Variants in MBNL1 observed in about 807,000 individuals in gnomAD.
The protein encoded by MBNL1 is muscleblind-like protein 1.
In MBNL1, 8 loss-of-function variants were observed where a neutral mutation model predicts 42.2. That is an observed-to-expected ratio of 0.19 (90% CI 0.11 to 0.34). The LOEUF (loss-of-function observed/expected upper bound fraction) is 0.34, where lower values mean the gene tolerates loss of function less well. Among genes scored for constraint, MBNL1 ranks in the 10% least tolerant of loss-of-function variants. The pLI, the probability that MBNL1 is intolerant of heterozygous loss-of-function variation, is 1.00. For synonymous variants in MBNL1, 169 were observed against 173.9 expected, an observed-to-expected ratio of 0.97 and a Z score of 0.22; for missense variants, 309 against 495.3, an observed-to-expected ratio of 0.62 and a Z score of 3.57.
chr3:152,308,246 TATC>T (rs780132578), intron 2 of MBNL1, among the ~76,000 whole-genome samples: 56 of 152,190 alleles, frequency 3.7e-4, no homozygotes, highest in Non-Finnish European at 5.0e-4. Flanking sequence ...AGTGTTATCT[TATC>T]ATAAATCTTG....
intron 2 of MBNL1, among the ~76,000 whole-genome samples, chr3:152,406,655 A>C (rs919854705): frequency 5.9e-5 from 9 of 152,176 alleles, no homozygotes; most frequent in Admixed American, 5.2e-4. Flanking sequence ...CTGGGGAAAA[A>C]AAAGTCATAG....
At chr3:152,292,969 A>G (rs11925270) in intron 1 of MBNL1, among the ~76,000 whole-genome samples, 1 of 151,890 alleles carries the variant, frequency 6.6e-6, no homozygotes, top group Non-Finnish European at 1.5e-5. Flanking sequence ...GGGTCCTACT[A>G]TGTTGTTCAG....
chr3:152,437,791 T>TG (rs397802510), intron 4 of MBNL1, among the ~76,000 whole-genome samples: 4 of 151,706 alleles, frequency 2.6e-5, no homozygotes, highest in Non-Finnish European at 4.4e-5. Flanking sequence ...TTTTTTTTTT[T>TG]GACACTAAGT....
At chr3:152,339,017 A>T (rs767833860) in intron 2 of MBNL1, among the ~76,000 whole-genome samples, 2 of 152,176 alleles carry the variant, frequency 1.3e-5, no homozygotes, top group South Asian at 2.1e-4. Flanking sequence ...AATAGAAATT[A>T]TTTTTTCAAA....
intron 2 of MBNL1, among the ~76,000 whole-genome samples, chr3:152,325,087 G>GCCCCCCCCCTC (rs532842950): frequency 2.6e-4 from 4 of 15,380 alleles, no homozygotes; most frequent in African/African-American, 9.5e-4. Context: ...CCACATACCC[G>GCCCCCCCCCTC]CCCCCCCCCG....
At chr3:152,363,751 C>T (rs1040398895) in intron 2 of MBNL1, among the ~76,000 whole-genome samples, 10 of 152,052 alleles carry the variant, frequency 6.6e-5, no homozygotes, top group Admixed American at 2.6e-4. Context: ...TGCCTAAGTA[C>T]GGGTCACACA....
chr3:152,340,507 T>C, intron 2 of MBNL1: 1 of 1,565,878 alleles, frequency 6.4e-7, no homozygotes. Flanking sequence ...ATATTAAAAA[T>C]AGTGGAAGTT....
rs139976958 is a variant in MBNL1, at chr3:152,397,976, T to A, written c.175-16965T>A. On this transcript the variant is annotated intron_variant, in intron 2 of 9. Coordinates refer to ENST00000324210, the MANE Select transcript of MBNL1 (RefSeq NM_021038.5). Reference sequence around the variant, plus strand: ...ACAAATTCACTTGCTACATAGTCTTTTCAAACCACAATTTATTCATTTATA... The same window carrying A: ...ACAAATTCACTTGCTACATAGTCTTATCAAACCACAATTTATTCATTTATA... Among the ~76,000 whole-genome samples the A allele has an allele frequency of 1.1e-3, 165 of 152,332 alleles. 1 individual carries two copies. Among genetic ancestry groups the A allele is most frequent in the Non-Finnish European group, 1.9e-4 (13 of 68,042 alleles).
chr3:152,442,819 T>G (rs2099161495), intron 4 of MBNL1, among the ~76,000 whole-genome samples: 1 of 152,210 alleles, frequency 6.6e-6, no homozygotes. Context: ...TTGGTAAATT[T>G]CCAGTCCCAC....
At chr3:152,287,209 C>T (rs1383161682) in intron 1 of MBNL1, among the ~76,000 whole-genome samples, 3 of 147,024 alleles carry the variant, frequency 2.0e-5, no homozygotes, top group South Asian at 2.1e-4. Flanking sequence ...TGTGAGACTC[C>T]GTCTCAAAAA....
At position 152,299,440 on chromosome 3, in the gene MBNL1, C is replaced by T. The variant is rs2151467395; in HGVS notation, c.-754C>T. 1 of 358,644 alleles carries T rather than the reference C, an allele frequency of 2.8e-6. No individual in the cohort carries two copies. The highest frequency in any genetic ancestry group is 4.0e-5 in the East Asian group (1 of 24,776). The allele number at this position is 358,644 out of a possible 1,614,324, so 22.2% of individuals were successfully genotyped here. A position where few individuals can be genotyped will look rare whatever the true frequency, so the allele number is the denominator to read the frequency against. ...AGAAGTGCCTTTCCTGACGTCTCTG[C>T]TGCTTGGAACCGCTTCTAGAGCAGT... On this transcript the variant is annotated 5_prime_UTR_variant, in exon 2 of 10. Coordinates refer to ENST00000324210, the MANE Select transcript of MBNL1 (RefSeq NM_021038.5).
Position 152,414,989 on chromosome 3 carries a change from T to C in MBNL1, c.223T>C (p.Leu75=), listed in dbSNP as rs755140649. 6.8e-6 allele frequency: 11 copies of C among 1,608,958 alleles called. No homozygotes were observed. In the South Asian group the frequency reaches 1.0e-4, roughly 15 times the overall value. Residue 75 remains leucine (L), a synonymous_variant, in exon 3 of 10, where the codon TTA becomes CTA. Coordinates refer to ENST00000324210, the MANE Select transcript of MBNL1 (RefSeq NM_021038.5). The part of the protein sequence containing the change: ...NCKYLHPPPH[L]KTQLEINGRN... ...CAAATATCTTCATCCACCCCCACAT[T>C]TAAAAACGCAGTTGGAGATAAATGG...
intron 2 of MBNL1, among the ~76,000 whole-genome samples, chr3:152,352,446 G>A (rs1197745027): frequency 1.3e-5 from 2 of 152,136 alleles, no homozygotes; most frequent in Admixed American, 1.3e-4. Context: ...CGTCTCTAGG[G>A]CTGCCTTGAA....
chr3:152,291,375 A>G (rs2055870396), intron 1 of MBNL1, among the ~76,000 whole-genome samples: 1 of 152,190 alleles, frequency 6.6e-6, no homozygotes, highest in African/African-American at 2.4e-5. Context: ...CTTCAACTTC[A>G]TAATCAAGGA....
At chr3:152,273,680 A>G (rs1049956156) in intron 1 of MBNL1, among the ~76,000 whole-genome samples, 4 of 152,226 alleles carry the variant, frequency 2.6e-5, no homozygotes, top group African/African-American at 7.2e-5. Flanking sequence ...GACAGAGTAG[A>G]GAATTGCTTT....
chr3:152,268,579 C>T (rs1399785375), upstream of MBNL1: 1 of 352,306 alleles, frequency 2.8e-6, no homozygotes, highest in Non-Finnish European at 5.6e-6. Context: ...GCACGCCCGC[C>T]GCGAGGTTAC....
rs73009943 is a variant in MBNL1, at chr3:152,360,186, C to T, written c.175-54755C>T. On this transcript the variant is annotated intron_variant, in intron 2 of 9. Transcript: ENST00000324210. ...AACGTGTCTTGAATAGGTCTTTGGTCTGTGCTTATAATCAGGTTAGTAGTC... is the reference window on the plus strand; with the variant it reads ...AACGTGTCTTGAATAGGTCTTTGGTTTGTGCTTATAATCAGGTTAGTAGTC... Among the ~76,000 whole-genome samples, 769 of 152,170 alleles carry T rather than the reference C, an allele frequency of 5.1e-3. 6 individuals carry two copies. Among genetic ancestry groups the T allele is most frequent in the African/African-American group, 0.018 (737 of 41,534 alleles).
intron 2 of MBNL1, among the ~76,000 whole-genome samples, chr3:152,413,888 A>T (rs184968624): frequency 6.6e-6 from 1 of 152,240 alleles, no homozygotes; most frequent in African/African-American, 2.4e-5. Flanking sequence ...ATAGGCTTTA[A>T]TGAATATTTT....
At chr3:152,286,438 T>A (rs1412623426) in intron 1 of MBNL1, among the ~76,000 whole-genome samples, 2 of 100,866 alleles carry the variant, frequency 2.0e-5, no homozygotes, top group South Asian at 3.0e-4. Flanking sequence ...ATATAAATAT[T>A]TATATTTTAT....
Sources: allele counts gnomAD v4.1 joint callset (sites outside exome capture counted in the v4.1 genomes callset), GRCh38; gene constraint gnomAD v4.1.1; transcripts MANE v1.5; gene names NCBI Gene and HGNC (gene_info 2026-07-23, HGNC 2026-07-21).